SPATS2L: variants seen among roughly 807,000 people sequenced by gnomAD.
SPATS2L encodes spermatogenesis associated serine rich 2 like, also known as SPATS2-like protein.
SPATS2L carries 30 observed loss-of-function variants against 59.6 expected under a neutral mutation model. That is an observed-to-expected ratio of 0.50 (90% CI 0.38 to 0.68). SPATS2L has a LOEUF of 0.68. Ranked by LOEUF, SPATS2L falls within the 30% of genes least tolerant of loss-of-function variation. The pLI is 0.00. For synonymous variants in SPATS2L, 252 were observed against 263.5 expected (o/e 0.96, Z 0.42); for missense variants, 615 against 700.0 (o/e 0.88, Z 1.37).
In SPATS2L at chr2:200,479,830, G is replaced by A. The variant is rs1029101910; in HGVS notation, c.*1799G>A. ...CTGTTTCTTCTTTTGCCAAGTACAG[G>A]AGGATGTTTGCTCTCTCTGTAGAGA... On this transcript the variant is annotated 3_prime_UTR_variant, in exon 13 of 13. Transcript: ENST00000409140. 2.5e-6 allele frequency: 1 copy of A among 398,200 alleles called. No homozygotes were observed. Among genetic ancestry groups the A allele is most frequent in the East Asian group, 3.6e-5 (1 of 28,082 alleles). 24.7% of individuals were successfully genotyped at this position (398,200 alleles called of 1,614,324 possible). A position where few individuals can be genotyped will look rare whatever the true frequency, so the allele number is the denominator to read the frequency against.
intron 2 of SPATS2L, among the ~76,000 whole-genome samples, chr2:200,365,881 G>A (rs549586264): frequency 1.3e-5 from 2 of 152,168 alleles, no homozygotes; most frequent in African/African-American, 2.4e-5. Flanking sequence ...TCGAGGCCAG[G>A]GATTGTATTT....
chr2:200,406,913 G>A (rs1442023300), intron 3 of SPATS2L, among the ~76,000 whole-genome samples: 1 of 152,154 alleles, frequency 6.6e-6, no homozygotes, highest in Admixed American at 6.5e-5. Context: ...TTACACCATA[G>A]AGAAGGGAAA....
At chr2:200,382,688 A>AGTT (rs2081861088) in intron 2 of SPATS2L, among the ~76,000 whole-genome samples, 1 of 152,136 alleles carries the variant, frequency 6.6e-6, no homozygotes, top group African/African-American at 2.4e-5. Flanking sequence ...GACCTTGAGC[A>AGTT]GTTACTAGAT....
chr2:200,439,759 T>C (rs1488910125), intron 7 of SPATS2L, among the ~76,000 whole-genome samples: 6 of 152,244 alleles, frequency 3.9e-5, no homozygotes, highest in African/African-American at 1.2e-4. Context: ...AGATATGGTC[T>C]TCCCAATGTA....
chr2:200,367,345 T>A (rs1033690905), intron 2 of SPATS2L, among the ~76,000 whole-genome samples: 1 of 152,162 alleles, frequency 6.6e-6, no homozygotes, highest in Non-Finnish European at 1.5e-5. Context: ...AAAGCCCACT[T>A]CCAGGTCAGG....
At chr2:200,464,248 GAATATT>G (rs1345741962) in intron 9 of SPATS2L, among the ~76,000 whole-genome samples, 2 of 152,214 alleles carry the variant, frequency 1.3e-5, no homozygotes, top group Non-Finnish European at 2.9e-5. Context: ...TTCAGCCAAA[GAATATT>G]GGCTTTAGAT....
intron 2 of SPATS2L, among the ~76,000 whole-genome samples, chr2:200,373,949 G>A (rs1024071530): frequency 2.0e-5 from 3 of 152,140 alleles, no homozygotes; most frequent in Non-Finnish European, 4.4e-5. Context: ...GGCTGGGATA[G>A]GATGAGAAGG....
chr2:200,356,470 A>G (rs574960217), intron 2 of SPATS2L, among the ~76,000 whole-genome samples: 19 of 152,346 alleles, frequency 1.2e-4, no homozygotes, highest in South Asian at 1.0e-3. Context: ...GTTAAGAATT[A>G]TAAGTGTTTA....
At chr2:200,446,245 G>A (rs1018786288) in intron 8 of SPATS2L, among the ~76,000 whole-genome samples, 1 of 152,162 alleles carries the variant, frequency 6.6e-6, no homozygotes, top group African/African-American at 2.4e-5. Flanking sequence ...TGAGGTGGGA[G>A]GATCGCTTAA....
chr2:200,393,269 A>G (rs1418358266), intron 3 of SPATS2L: 2 of 456,776 alleles, frequency 4.4e-6, no homozygotes, highest in Non-Finnish European at 8.8e-6. Context: ...GGACAGACCA[A>G]TATGGTAGGC....
chr2:200,363,213 T>C (rs2081165499), intron 2 of SPATS2L, among the ~76,000 whole-genome samples: 1 of 152,202 alleles, frequency 6.6e-6, no homozygotes, highest in African/African-American at 2.4e-5. Context: ...TTAATTATAC[T>C]ACTACTACCA....
chr2:200,365,362 T>A (rs1337247775), intron 2 of SPATS2L, among the ~76,000 whole-genome samples: 1 of 152,184 alleles, frequency 6.6e-6, no homozygotes, highest in Non-Finnish European at 1.5e-5. Flanking sequence ...TCAAGGAGGA[T>A]GACAGCTGTA....
intron 9 of SPATS2L, among the ~76,000 whole-genome samples, chr2:200,462,624 A>G (rs1323546854): frequency 2.6e-5 from 4 of 152,180 alleles, no homozygotes; most frequent in African/African-American, 4.8e-5. Context: ...CTCAAAGTCT[A>G]ATATTCCTTA....
At chr2:200,443,958 G>C (rs143230945) in intron 8 of SPATS2L, among the ~76,000 whole-genome samples, 8 of 152,322 alleles carry the variant, frequency 5.3e-5, no homozygotes, top group Non-Finnish European at 8.8e-5. Context: ...CATTTAAGCA[G>C]GATACAGTTA....
intron 1 of SPATS2L, among the ~76,000 whole-genome samples, chr2:200,312,602 A>T (rs995431686): frequency 6.6e-6 from 1 of 152,220 alleles, no homozygotes; most frequent in Non-Finnish European, 1.5e-5. Context: ...CTTTATTCTC[A>T]AAACAGTGCT....
intron 8 of SPATS2L, among the ~76,000 whole-genome samples, chr2:200,445,264 G>A (rs1381336811): frequency 6.6e-6 from 1 of 152,198 alleles, no homozygotes; most frequent in African/African-American, 2.4e-5. Context: ...GGTGAGCCGA[G>A]GTCGTGCCAC....
At chr2:200,476,139 C>G (rs948236998) in intron 12 of SPATS2L, among the ~76,000 whole-genome samples, 1 of 152,188 alleles carries the variant, frequency 6.6e-6, no homozygotes, top group Non-Finnish European at 1.5e-5. Context: ...TGTAAAGGAG[C>G]TTAATCCATT....
At chr2:200,424,211 G>T (rs567490420) in intron 6 of SPATS2L, among the ~76,000 whole-genome samples, 1 of 152,230 alleles carries the variant, frequency 6.6e-6, no homozygotes, top group South Asian at 2.1e-4. Context: ...TGCCGAGCGG[G>T]CACAGTGGCT....
At position 200,341,708 on chromosome 2, in the gene SPATS2L, T is replaced by C. The variant is rs1190730193; in HGVS notation, c.-23+12228T>C. Among the ~76,000 whole-genome samples, 5 of 151,424 alleles carry C rather than the reference T, an allele frequency of 3.3e-5. No individual in the cohort carries two copies. In the East Asian group the frequency reaches 9.7e-4, roughly 29 times the overall value. ...TAACTATAATTTTTTTTTTTTTTTT[T>C]AGACAGAGTTTTGCTCTGTCGCCCA... On this transcript the variant is annotated intron_variant, in intron 2 of 12. Coordinates refer to ENST00000409140, the MANE Select transcript of SPATS2L (RefSeq NM_001100423.2).
Sources: gnomAD v4.1 joint callset for allele counts (sites outside exome capture counted in the v4.1 genomes callset) on GRCh38, gnomAD v4.1.1 for gene constraint, MANE v1.5 for transcripts, NCBI Gene and HGNC (gene_info 2026-07-23, HGNC 2026-07-21) for gene names.